LNX2: variants seen among roughly 807,000 people sequenced by gnomAD.
LNX2 encodes ligand of Numb protein X 2.
In LNX2, 35 loss-of-function variants were observed where a neutral mutation model predicts 66.2. The ratio of observed to expected loss-of-function variants is 0.53; its 90% confidence interval spans 0.40 to 0.70. The LOEUF is 0.70. LNX2 is among the 30% of genes least tolerant of loss of function. The probability of loss-of-function intolerance (pLI) is 0.00; values close to 1 mark genes in which losing one functional copy is unlikely to be tolerated. For missense variants in LNX2, 791 were observed against 850.8 expected (o/e 0.93, Z 0.87); for synonymous variants, 337 against 315.6 (o/e 1.07, Z -0.72).
chr13:27,571,337 A>G (rs910662838), intron 2 of LNX2, among the ~76,000 whole-genome samples: 1 of 152,254 alleles, frequency 6.6e-6, no homozygotes, highest in African/African-American at 2.4e-5. Context: ...GGCAATTAGA[A>G]GGTAACCTCA....
At chr13:27,559,396 A>T (rs766556015) in intron 6 of LNX2, among the ~76,000 whole-genome samples, 1 of 152,216 alleles carries the variant, frequency 6.6e-6, no homozygotes, top group Non-Finnish European at 1.5e-5. Context: ...TCATATGTTT[A>T]ATCTTCATGT....
chr13:27,591,004 G>A (rs1008709972), intron 1 of LNX2, among the ~76,000 whole-genome samples: 2 of 151,862 alleles, frequency 1.3e-5, no homozygotes, highest in African/African-American at 4.8e-5. Context: ...GTATATATAT[G>A]TGTGTGTACA....
upstream of LNX2, chr13:27,620,548 G>A (rs1160989071): frequency 1.2e-5 from 2 of 172,008 alleles, no homozygotes; most frequent in Non-Finnish European, 2.4e-5. Context: ...GCAAACTCCG[G>A]CCAAGACTTC....
chr13:27,593,930 C>G (rs1199738059), intron 1 of LNX2, among the ~76,000 whole-genome samples: 3 of 151,856 alleles, frequency 2.0e-5, no homozygotes, highest in African/African-American at 7.3e-5. Flanking sequence ...TGTTCTTGTT[C>G]TCATCCTATC....
intron 1 of LNX2, among the ~76,000 whole-genome samples, chr13:27,590,200 C>T (rs1443053649): frequency 6.6e-6 from 1 of 151,964 alleles, no homozygotes; most frequent in African/African-American, 2.4e-5. Flanking sequence ...TTAGGAGATG[C>T]TGCTGCATCT....
In LNX2 at chr13:27,583,245, T is replaced by TGCGC. The variant is rs1377484241; in HGVS notation, c.-100-1443_-100-1442insGCGC. The stretch of plus-strand genomic sequence containing the variant: ...GTGTGTGTGTGTGTGTGTGTGTGTG[T>TGCGC]GTGTGTGTGTGCGCGCGTCCTCTCC... On this transcript the variant is annotated intron_variant, in intron 1 of 9. Coordinates refer to ENST00000316334, the MANE Select transcript of LNX2 (RefSeq NM_153371.4). Among the ~76,000 whole-genome samples, 126 of 32,218 alleles carry TGCGC rather than the reference T, an allele frequency of 3.9e-3. 42 individuals are homozygous for TGCGC. Among genetic ancestry groups the TGCGC allele is most frequent in the Non-Finnish European group, 5.0e-3 (94 of 18,880 alleles). 21.1% of individuals were successfully genotyped at this position (32,218 alleles called of 152,430 possible).
At chr13:27,600,337 T>C (rs901526230) in intron 1 of LNX2, among the ~76,000 whole-genome samples, 18 of 152,216 alleles carry the variant, frequency 1.2e-4, no homozygotes, top group Admixed American at 2.6e-4. Context: ...AAAAGGCTAG[T>C]GTCTTGTACT....
At chr13:27,591,338 T>C (rs1445779498) in intron 1 of LNX2, among the ~76,000 whole-genome samples, 2 of 152,178 alleles carry the variant, frequency 1.3e-5, no homozygotes, top group Non-Finnish European at 2.9e-5. Flanking sequence ...TAATAAAATA[T>C]TTGCACTGTA....
At chr13:27,620,106 C>T (rs571790788) in intron 1 of LNX2, among the ~76,000 whole-genome samples, 2 of 152,272 alleles carry the variant, frequency 1.3e-5, no homozygotes, top group South Asian at 4.1e-4. Flanking sequence ...CCGGAGGCCG[C>T]CCGCCTCCCG....
At chr13:27,610,057 T>C (rs1955757461) in intron 1 of LNX2, among the ~76,000 whole-genome samples, 1 of 152,218 alleles carries the variant, frequency 6.6e-6, no homozygotes, top group Non-Finnish European at 1.5e-5. Context: ...AAATATTTCA[T>C]GTGGGAACTA....
At chr13:27,552,417 G>C (rs947696386) in intron 8 of LNX2, among the ~76,000 whole-genome samples, 6 of 152,182 alleles carry the variant, frequency 3.9e-5, no homozygotes, top group African/African-American at 7.2e-5. Flanking sequence ...AGGTGGCTCA[G>C]AAAATAGCAA....
At chr13:27,573,031 T>C (rs1160551766) in intron 2 of LNX2, among the ~76,000 whole-genome samples, 3 of 152,180 alleles carry the variant, frequency 2.0e-5, no homozygotes, top group African/African-American at 7.2e-5. Flanking sequence ...GAACCAGCCA[T>C]TTCTGAAGTG....
intron 2 of LNX2, among the ~76,000 whole-genome samples, chr13:27,573,616 T>C (rs1170610994): frequency 6.7e-6 from 1 of 148,768 alleles, no homozygotes; most frequent in Non-Finnish European, 1.5e-5. Context: ...GTGGCGTGAG[T>C]GTTGAGGGTG....
At chr13:27,621,075 T>G (rs1319938187), upstream of LNX2, 1 of 153,352 alleles carries the variant, frequency 6.5e-6, no homozygotes, top group Non-Finnish European at 1.4e-5. Context: ...CGCAGGGAGC[T>G]GGATGGAGAG....
At chr13:27,583,081 T>C (rs1955420644) in intron 1 of LNX2, among the ~76,000 whole-genome samples, 1 of 151,646 alleles carries the variant, frequency 6.6e-6, no homozygotes, top group Admixed American at 6.6e-5. Context: ...CTGCCAAAAT[T>C]CAATTAAACA....
intron 5 of LNX2, among the ~76,000 whole-genome samples, chr13:27,561,843 A>G (rs1318187354): frequency 6.6e-5 from 10 of 152,240 alleles, no homozygotes; most frequent in African/African-American, 2.4e-4. Context: ...CAACTTATCC[A>G]TCTTCATGCT....
intron 8 of LNX2, among the ~76,000 whole-genome samples, chr13:27,551,294 T>C (rs1458889531): frequency 6.6e-6 from 1 of 151,758 alleles, no homozygotes; most frequent in African/African-American, 2.4e-5. Context: ...AAAGAAAATA[T>C]ATACACATCT....
chr13:27,588,695 C>T (rs1002099203), intron 1 of LNX2, among the ~76,000 whole-genome samples: 4 of 152,044 alleles, frequency 2.6e-5, no homozygotes, highest in African/African-American at 7.2e-5. Context: ...TATGAATCTA[C>T]AATTATCACA....
intron 4 of LNX2, among the ~76,000 whole-genome samples, chr13:27,565,397 C>T (rs1955192155): frequency 1.3e-5 from 2 of 152,198 alleles, no homozygotes; most frequent in African/African-American, 2.4e-5. Context: ...TCAAAGAACA[C>T]TCAGTGGGCT....
Sources: gnomAD v4.1 joint callset for allele counts (sites outside exome capture counted in the v4.1 genomes callset) on GRCh38, gnomAD v4.1.1 for gene constraint, MANE v1.5 for transcripts, NCBI Gene and HGNC (gene_info 2026-07-23, HGNC 2026-07-21) for gene names.